Variants in TANC2 observed in about 807,000 individuals in gnomAD.
TANC2 encodes protein TANC2.
A neutral mutation model predicts 210.5 loss-of-function variants in TANC2; 26 were observed. That is an observed-to-expected ratio of 0.12 (90% CI 0.09 to 0.17). The LOEUF (loss-of-function observed/expected upper bound fraction) is 0.17. Among genes scored for constraint, TANC2 ranks in the 10% least tolerant of loss-of-function variants. The pLI, the probability that TANC2 is intolerant of heterozygous loss-of-function variation, is 1.00. For synonymous variants in TANC2, 931 were observed against 967.1 expected, an observed-to-expected ratio of 0.96 and a Z score of 0.69; for missense variants, 2,129 against 2,608.9, an observed-to-expected ratio of 0.82 and a Z score of 4.01.
intron 5 of TANC2, among the ~76,000 whole-genome samples, chr17:63,175,567 A>G (rs1411512589): frequency 6.6e-6 from 1 of 151,046 alleles, no homozygotes; most frequent in East Asian, 1.9e-4. Flanking sequence ...ATTTAGACCT[A>G]AATGTAAGAG....
At chr17:62,970,681 C>T (rs61198867) in intron 1 of TANC2, among the ~76,000 whole-genome samples, 37,097 of 152,028 alleles carry the variant, frequency 0.24, 4,897 homozygotes, top group South Asian at 0.35. Flanking sequence ...TGAAAATCCT[C>T]TCCTTGTCAT....
chr17:63,168,984 C>T (rs952407131), intron 5 of TANC2, among the ~76,000 whole-genome samples: 5 of 152,118 alleles, frequency 3.3e-5, no homozygotes, highest in South Asian at 2.1e-4. Context: ...TAGCTATACC[C>T]GGAGGATTCA....
intron 10 of TANC2, among the ~76,000 whole-genome samples, chr17:63,315,534 T>C (rs1309460190): frequency 6.6e-6 from 1 of 152,246 alleles, no homozygotes; most frequent in Non-Finnish European, 1.5e-5. Flanking sequence ...ATTCTTCTTA[T>C]ACATACTACA....
intron 14 of TANC2, among the ~76,000 whole-genome samples, chr17:63,371,426 A>G (rs1273028703): frequency 1.3e-5 from 2 of 151,406 alleles, no homozygotes; most frequent in Non-Finnish European, 2.9e-5. Context: ...AGATCACACC[A>G]TTGCACTCCA....
At chr17:62,991,468 C>T (rs1164252712) in intron 1 of TANC2, among the ~76,000 whole-genome samples, 1 of 151,812 alleles carries the variant, frequency 6.6e-6, no homozygotes, top group Non-Finnish European at 1.5e-5. Flanking sequence ...GAAACCCCGT[C>T]TCTACTAAAA....
intron 14 of TANC2, among the ~76,000 whole-genome samples, chr17:63,366,493 G>A (rs1477270264): frequency 6.6e-6 from 1 of 152,174 alleles, no homozygotes; most frequent in East Asian, 1.9e-4. Flanking sequence ...CATTTCAGTG[G>A]AGTCATAGCT....
chr17:63,258,546 G>A (rs532329641), intron 8 of TANC2, among the ~76,000 whole-genome samples: 34 of 152,004 alleles, frequency 2.2e-4, no homozygotes, highest in African/African-American at 5.1e-4. Context: ...GCAGTGGAGC[G>A]GGCACCAAAG....
At chr17:63,143,830 G>A (rs1043140970) in intron 4 of TANC2, among the ~76,000 whole-genome samples, 9 of 151,810 alleles carry the variant, frequency 5.9e-5, no homozygotes, top group African/African-American at 9.7e-5. Context: ...AAGTCTTTAG[G>A]TGATAAGTAC....
At chr17:63,333,834 A>G (rs2045938505) in intron 11 of TANC2, among the ~76,000 whole-genome samples, 1 of 152,192 alleles carries the variant, frequency 6.6e-6, no homozygotes, top group Non-Finnish European at 1.5e-5. Flanking sequence ...CATCGAGGGA[A>G]GACCCCCCTA....
At chr17:63,234,105 T>C (rs2042553844) in intron 7 of TANC2, among the ~76,000 whole-genome samples, 1 of 152,228 alleles carries the variant, frequency 6.6e-6, no homozygotes, top group African/African-American at 2.4e-5. Context: ...TCTCAAGAGC[T>C]AATAGTTCAG....
Position 62,966,390 on chromosome 17 carries a change from C to G in TANC2, c.-383C>G, listed in dbSNP as rs1402035923. Among the ~76,000 whole-genome samples, 2 of 147,454 alleles carry G rather than the reference C, an allele frequency of 1.4e-5. No homozygotes were observed. The highest frequency in any genetic ancestry group is 3.0e-5 in the Non-Finnish European group (2 of 66,168). On this transcript the variant is annotated 5_prime_UTR_variant, in exon 1 of 28. Coordinates refer to ENST00000689528, the Ensembl canonical transcript of TANC2. This position sits in a 1 kb window ranked among gnomAD's most constrained non-coding sequence, Gnocchi z 5.1. ...CCTAGGGCCGCTGGCGCTGCCCTCC[C>G]GCCGCCACCGCCCTCCGCGCCTCCT...
chr17:63,314,716 T>C, intron 10 of TANC2, 47 bp downstream of exon 10: 1 of 1,590,258 alleles, frequency 6.3e-7, no homozygotes, highest in Non-Finnish European at 8.6e-7. Context: ...GGCGCTGAAG[T>C]TTTTCTGACA....
At chr17:63,248,212 A>G (rs1226198139) in intron 8 of TANC2, among the ~76,000 whole-genome samples, 1 of 152,020 alleles carries the variant, frequency 6.6e-6, no homozygotes, top group Non-Finnish European at 1.5e-5. Flanking sequence ...TTTCCTTTCT[A>G]ATGGGTACAT....
chr17:63,088,594 T>G (rs1243742811), intron 3 of TANC2: 1 of 152,250 alleles, frequency 6.6e-6, no homozygotes, highest in Non-Finnish European at 1.5e-5. Context: ...TCTGCTCCAG[T>G]GCACAGTAAA....
intron 10 of TANC2, among the ~76,000 whole-genome samples, chr17:63,316,521 T>C (rs925259582): frequency 2.6e-5 from 4 of 152,168 alleles, no homozygotes; most frequent in Admixed American, 6.5e-5. Flanking sequence ...ACTAAGTTAT[T>C]CTCTAACATC....
exon 7 of TANC2, chr17:63,200,865 C>G (rs1355902651): frequency 1.2e-6 from 2 of 1,613,852 alleles, no homozygotes; most frequent in Non-Finnish European, 1.7e-6. Context: ...ACACTCCCAC[C>G]CATCAGTACA....
chr17:63,304,933 C>T (rs1314551561), intron 9 of TANC2, among the ~76,000 whole-genome samples: 4 of 152,174 alleles, frequency 2.6e-5, no homozygotes, highest in African/African-American at 4.8e-5. Flanking sequence ...TCCCTTGCTC[C>T]GGCAGGGGAA....
intron 1 of TANC2, among the ~76,000 whole-genome samples, chr17:63,008,468 T>C (rs905828836): frequency 2.0e-5 from 3 of 152,168 alleles, no homozygotes; most frequent in African/African-American, 7.2e-5. Flanking sequence ...ACCAAGTACT[T>C]ACAACACTTT....
At chr17:63,280,085 C>T (rs528682806) in intron 9 of TANC2, among the ~76,000 whole-genome samples, 2 of 152,056 alleles carry the variant, frequency 1.3e-5, no homozygotes, top group Non-Finnish European at 2.9e-5. Flanking sequence ...TTTTTTAGCA[C>T]TAAGAAAGAA....
Sources: gnomAD v4.1 joint callset for allele counts (sites outside exome capture counted in the v4.1 genomes callset) on GRCh38, gnomAD v4.1.1 for gene constraint, Gnocchi (gnomAD v3.1) non-coding constraint, MANE v1.5 for transcripts, NCBI Gene and HGNC (gene_info 2026-07-23, HGNC 2026-07-21) for gene names.